The following CSMD1 variants were observed in gnomAD, a reference collection of about 807,000 sequenced individuals.
The protein encoded by CSMD1 is CUB and sushi domain-containing protein 1.
Under a neutral mutation model 417.5 loss-of-function variants are expected in CSMD1, and 213 were observed. The ratio of observed to expected loss-of-function variants is 0.51; its 90% CI spans 0.46 to 0.57. CSMD1 has a LOEUF of 0.57. CSMD1 is among the 20% of genes least tolerant of loss of function. The probability of loss-of-function intolerance (pLI) is 0.00; values close to 1 mark genes in which losing one functional copy is unlikely to be tolerated. For synonymous variants in CSMD1, 2,862 were observed against 1,736.8 expected (o/e 1.65, Z -16.11); for missense variants, 6,923 against 4,529.7 (o/e 1.53, Z -15.17).
At chr8:2,972,706 A>C (rs1205432259) in intron 57 of CSMD1, among the ~76,000 whole-genome samples, 1 of 152,218 alleles carries the variant, frequency 6.6e-6, no homozygotes, top group African/African-American at 2.4e-5. Flanking sequence ...AGGGGCCACC[A>C]ACAGATTGGA....
intron 5 of CSMD1, among the ~76,000 whole-genome samples, chr8:3,879,353 C>T (rs1806051775): frequency 6.6e-6 from 1 of 152,072 alleles, no homozygotes; most frequent in South Asian, 2.1e-4. Flanking sequence ...TCATTAGAAT[C>T]ATCTAAGGAA....
At chr8:3,765,876 G>C (rs935583686) in intron 5 of CSMD1, among the ~76,000 whole-genome samples, 4 of 152,226 alleles carry the variant, frequency 2.6e-5, no homozygotes, top group African/African-American at 9.6e-5. Flanking sequence ...GACAGCACTT[G>C]TGAGAGATAG....
chr8:3,411,051 C>G (rs536882833), intron 12 of CSMD1, among the ~76,000 whole-genome samples: 1 of 152,152 alleles, frequency 6.6e-6, no homozygotes, highest in Non-Finnish European at 1.5e-5. Flanking sequence ...TGGTTTGGAG[C>G]AGAAGGGAGG....
At chr8:4,753,561 T>G (rs995348781) in intron 1 of CSMD1, among the ~76,000 whole-genome samples, 7 of 152,190 alleles carry the variant, frequency 4.6e-5, no homozygotes, top group African/African-American at 1.7e-4. Flanking sequence ...TGATTGCACC[T>G]GCCTTCCATC....
chr8:3,679,827 C>A (rs1209927792), intron 7 of CSMD1, among the ~76,000 whole-genome samples: 1 of 152,134 alleles, frequency 6.6e-6, no homozygotes, highest in African/African-American at 2.4e-5. Context: ...GAAATTATAA[C>A]AAACTGTATC....
chr8:3,085,983 G>A (rs552107427), intron 49 of CSMD1, among the ~76,000 whole-genome samples: 13 of 152,188 alleles, frequency 8.5e-5, no homozygotes, highest in East Asian at 1.9e-4. Context: ...CCATTCCACC[G>A]AATCCCTTTC....
intron 41 of CSMD1, among the ~76,000 whole-genome samples, chr8:3,123,078 T>G (rs73183541): frequency 9.8e-5 from 15 of 152,348 alleles, no homozygotes; most frequent in Non-Finnish European, 1.8e-4. Context: ...TGATTGTTTT[T>G]GTTGTTATCA....
chr8:4,010,730 CTT>C (rs1173604882), intron 4 of CSMD1, among the ~76,000 whole-genome samples: 13 of 152,164 alleles, frequency 8.5e-5, no homozygotes, highest in Non-Finnish European at 1.6e-4. Flanking sequence ...GTCCTCATCT[CTT>C]GTCTTACCAT....
At chr8:4,071,450 T>C (rs1239267689) in intron 3 of CSMD1, among the ~76,000 whole-genome samples, 2 of 152,188 alleles carry the variant, frequency 1.3e-5, no homozygotes, top group Non-Finnish European at 2.9e-5. Context: ...TTTCATTTTA[T>C]AACGCCTATT....
intron 12 of CSMD1, among the ~76,000 whole-genome samples, chr8:3,466,782 A>C (rs968265745): frequency 1.3e-5 from 2 of 152,098 alleles, no homozygotes; most frequent in Non-Finnish European, 2.9e-5. Flanking sequence ...AAATAATATA[A>C]AATTATGTAT....
chr8:4,158,775 G>C (rs1277207849), intron 3 of CSMD1, among the ~76,000 whole-genome samples: 5 of 152,180 alleles, frequency 3.3e-5, no homozygotes, highest in Non-Finnish European at 7.3e-5. Flanking sequence ...GAACACTGAA[G>C]TGTTGGGATT....
In CSMD1 at chr8:4,787,183, G is replaced by A. The variant is rs182999564; in HGVS notation, c.86-149625C>T. The A allele has an allele frequency of 4.4e-3, 1,837 of 417,770 alleles. 7 individuals carry two copies. Among genetic ancestry groups the A allele is most frequent in the Middle Eastern group, 0.012 (17 of 1,406 alleles). The allele number at this position is 417,770 out of a possible 1,614,324, so 25.9% of individuals were successfully genotyped here. On this transcript the variant is annotated intron_variant, in intron 1 of 69. Coordinates refer to ENST00000635120, the MANE Select transcript of CSMD1 (RefSeq NM_033225.6). ...CGGCCGCTGTAGCGGAGCTCGGAAA[G>A]AGTGGCGCAGGGTCGCGGGGCCCCG...
At chr8:3,193,105 C>G (rs548002321) in intron 33 of CSMD1, among the ~76,000 whole-genome samples, 1 of 152,254 alleles carries the variant, frequency 6.6e-6, no homozygotes, top group Non-Finnish European at 1.5e-5. Context: ...GCATCTGTCA[C>G]TTGTATATCT....
intron 1 of CSMD1, among the ~76,000 whole-genome samples, chr8:4,954,723 T>C (rs1808974568): frequency 6.6e-6 from 1 of 152,176 alleles, no homozygotes; most frequent in Non-Finnish European, 1.5e-5. Context: ...ACCATGGAAA[T>C]ATGCAGAGAC....
chr8:3,703,943 C>T lies in CSMD1; in HGVS notation c.1009+4471G>A, dbSNP rs190617510. Among the ~76,000 whole-genome samples, 5 of 152,130 alleles carry T rather than the reference C, an allele frequency of 3.3e-5. No homozygotes were observed. In the East Asian group the frequency reaches 9.7e-4, roughly 30 times the overall value. On this transcript the variant is annotated intron_variant, in intron 7 of 69. Coordinates refer to ENST00000635120, the MANE Select transcript of CSMD1 (RefSeq NM_033225.6). ...AAAATTAGTCGGACATGGTGGCACA[C>T]ACCTGTACTCCCTGCTATTTGGGAG...
intron 12 of CSMD1, among the ~76,000 whole-genome samples, chr8:3,435,991 C>T (rs979078242): frequency 1.3e-5 from 2 of 152,282 alleles, no homozygotes; most frequent in African/African-American, 4.8e-5. Context: ...TTTGCAAATG[C>T]TCTCTTCTGG....
At chr8:3,104,990 G>A (rs906385919) in intron 46 of CSMD1, among the ~76,000 whole-genome samples, 17 of 152,278 alleles carry the variant, frequency 1.1e-4, no homozygotes, top group Admixed American at 5.2e-4. Context: ...ACAGGCGTGC[G>A]CCACCGCGCC....
At chr8:3,646,406 T>C (rs1163547198) in intron 7 of CSMD1, among the ~76,000 whole-genome samples, 17 of 152,210 alleles carry the variant, frequency 1.1e-4, no homozygotes, top group Admixed American at 4.6e-4. Flanking sequence ...GAAATTACCA[T>C]ACAATCTACT....
intron 5 of CSMD1, among the ~76,000 whole-genome samples, chr8:3,778,530 G>C (rs888350036): frequency 6.6e-6 from 1 of 152,160 alleles, no homozygotes; most frequent in Non-Finnish European, 1.5e-5. Flanking sequence ...AACGCTGCCC[G>C]TGTGCCTGTG....
Sources: gnomAD v4.1 joint callset for allele counts (sites outside exome capture counted in the v4.1 genomes callset) on GRCh38, gnomAD v4.1.1 for gene constraint, MANE v1.5 for transcripts, NCBI Gene and HGNC (gene_info 2026-07-23, HGNC 2026-07-21) for gene names.